Variants in MGAT4C observed in about 807,000 individuals in gnomAD.
MGAT4C encodes MGAT4 family member C, also known as alpha-1,3-mannosyl-glycoprotein 4-beta-N-acetylglucosaminyltransferase C.
Under a neutral mutation model 40.1 loss-of-function variants are expected in MGAT4C, and 19 were observed. The ratio of observed to expected loss-of-function variants is 0.47; its 90% CI spans 0.33 to 0.70. MGAT4C has a LOEUF of 0.70. MGAT4C is among the 30% of genes least tolerant of loss of function. The probability of loss-of-function intolerance (pLI) is 0.02; values close to 1 mark genes in which losing one functional copy is unlikely to be tolerated. For synonymous variants in MGAT4C, 181 were observed against 187.1 expected (o/e 0.97, Z 0.27); for missense variants, 491 against 563.2 (o/e 0.87, Z 1.30).
intron 4 of MGAT4C, among the ~76,000 whole-genome samples, chr12:86,317,707 A>AAT (rs1954277492): frequency 6.6e-6 from 1 of 151,954 alleles, no homozygotes; most frequent in Admixed American, 6.6e-5. Context: ...TTTGGCTAAA[A>AAT]ATATAGAAGG....
At chr12:86,630,487 G>A (rs1593061629) in intron 2 of MGAT4C, among the ~76,000 whole-genome samples, 1 of 152,000 alleles carries the variant, frequency 6.6e-6, no homozygotes, top group African/African-American at 2.4e-5. Flanking sequence ...GATGAACATC[G>A]ATGCAAAAAT....
In MGAT4C at chr12:86,324,376, T is replaced by A. The variant is rs572397437; in HGVS notation, c.-57+9689A>T. ...ATACATAATTTCCATATTCTTACAT[T>A]CTTTTAATTCTTTTTGTGCATTTTG... On this transcript the variant is annotated intron_variant, in intron 4 of 7. Coordinates refer to the MGAT4C transcript ENST00000548651. 3.3e-5 allele frequency among the ~76,000 whole-genome samples: 5 copies of A among 152,044 alleles called. No homozygotes were observed. The South Asian group carries it at 1.0e-3, about 32-fold the overall frequency.
chr12:86,131,356 G>A (rs947296621), intron 1 of MGAT4C, among the ~76,000 whole-genome samples: 2 of 151,942 alleles, frequency 1.3e-5, no homozygotes, highest in Non-Finnish European at 2.9e-5. Flanking sequence ...GTTTTAAGAT[G>A]TTCTTCATAG....
intron 3 of MGAT4C, among the ~76,000 whole-genome samples, chr12:86,342,611 T>A (rs1173087946): frequency 6.6e-6 from 1 of 152,146 alleles, no homozygotes; most frequent in African/African-American, 2.4e-5. Flanking sequence ...GCTAATTTTT[T>A]TGTATTTTTA....
intron 2 of MGAT4C, among the ~76,000 whole-genome samples, chr12:86,696,336 A>T (rs1326722046): frequency 6.6e-6 from 1 of 152,192 alleles, no homozygotes; most frequent in African/African-American, 2.4e-5. Flanking sequence ...ATATCTCATG[A>T]ACACCTACCA....
Position 86,677,973 on chromosome 12 carries a change from G to A in MGAT4C, c.-229+49236C>T, listed in dbSNP as rs140257204. ...ATCTTTTTCTTCTACCTTTACACTC[G>A]CTTCCTAGAAAATAACATCCAGTCC... On this transcript the variant is annotated intron_variant, in intron 2 of 7. Transcript: ENST00000548651. 8.4e-4 allele frequency among the ~76,000 whole-genome samples: 127 copies of A among 151,502 alleles called. 2 individuals are homozygous for A. The highest frequency in any genetic ancestry group is 2.9e-3 in the African/African-American group (121 of 41,078).
intron 2 of MGAT4C, among the ~76,000 whole-genome samples, chr12:86,538,633 A>G (rs1394338953): frequency 1.4e-5 from 2 of 142,848 alleles, no homozygotes; most frequent in African/African-American, 5.2e-5. Context: ...TTGAGACAAG[A>G]GTCTTGCTCT....
chr12:86,238,953 C>T (rs541230139), intron 1 of MGAT4C, among the ~76,000 whole-genome samples: 1 of 151,990 alleles, frequency 6.6e-6, no homozygotes, highest in African/African-American at 2.4e-5. Flanking sequence ...TATTTGGTAC[C>T]ATATGAAAAT....
At chr12:86,042,414 T>C (rs1891948318) in intron 2 of MGAT4C, among the ~76,000 whole-genome samples, 1 of 152,224 alleles carries the variant, frequency 6.6e-6, no homozygotes, top group Admixed American at 6.5e-5. Context: ...CAATGGTTTC[T>C]GTAGTTAAAT....
At chr12:86,471,401 ATATTAAGT>A (rs1490477116) in intron 2 of MGAT4C, among the ~76,000 whole-genome samples, 7 of 152,150 alleles carry the variant, frequency 4.6e-5, no homozygotes, top group East Asian at 3.9e-4. Context: ...CTTACTTGAA[ATATTAAGT>A]TATTAACTCA....
intron 1 of MGAT4C, among the ~76,000 whole-genome samples, chr12:86,170,670 A>G (rs910715868): frequency 1.3e-5 from 2 of 152,122 alleles, no homozygotes; most frequent in African/African-American, 4.8e-5. Flanking sequence ...ATGGTTATAT[A>G]GGTTGGGCAC....
intron 2 of MGAT4C, among the ~76,000 whole-genome samples, chr12:86,540,190 G>A (rs187612044): frequency 1.1e-4 from 16 of 152,296 alleles, no homozygotes; most frequent in Admixed American, 1.0e-3. Flanking sequence ...TCTTGATTAA[G>A]TGTGACTACT....
chr12:86,825,007 A>G (rs2136230435), intron 1 of MGAT4C, among the ~76,000 whole-genome samples: 1 of 151,514 alleles, frequency 6.6e-6, no homozygotes, highest in South Asian at 2.1e-4. Flanking sequence ...TTCTGATCTA[A>G]GTAGAAAAGG....
intron 2 of MGAT4C, among the ~76,000 whole-genome samples, chr12:86,012,241 A>G (rs1888530272): frequency 1.3e-5 from 2 of 152,046 alleles, no homozygotes; most frequent in South Asian, 4.1e-4. Context: ...TCCTGAGCAT[A>G]TTTTTTTACT....
chr12:86,420,905 G>T (rs538531613), intron 3 of MGAT4C, among the ~76,000 whole-genome samples: 1 of 148,556 alleles, frequency 6.7e-6, no homozygotes, highest in Non-Finnish European at 1.5e-5. Flanking sequence ...ATACATACGT[G>T]TATATGTGTA....
chr12:86,470,577 A>T (rs1223274382), intron 2 of MGAT4C, among the ~76,000 whole-genome samples: 1 of 152,110 alleles, frequency 6.6e-6, no homozygotes, highest in Non-Finnish European at 1.5e-5. Context: ...TTAGGAATTG[A>T]ATCTTATTCT....
Position 86,425,274 on chromosome 12 carries a change from G to A in MGAT4C, c.-120+9883C>T, listed in dbSNP as rs114837873. 2.4e-3 allele frequency among the ~76,000 whole-genome samples: 369 copies of A among 152,244 alleles called. 1 individual carries two copies. Among genetic ancestry groups the A allele is most frequent in the African/African-American group, 8.4e-3 (348 of 41,546 alleles). On this transcript the variant is annotated intron_variant, in intron 3 of 7. Coordinates refer to the MGAT4C transcript ENST00000548651. ...AAACTGTTTAGTAGGTAATCTCCAC[G>A]AGTTGAGGGAGGGACCTGGTGGGAA...
intron 4 of MGAT4C, among the ~76,000 whole-genome samples, chr12:86,310,383 TG>T (rs1412628822): frequency 1.3e-5 from 2 of 152,214 alleles, no homozygotes; most frequent in Non-Finnish European, 2.9e-5. Flanking sequence ...AAGAATGGTA[TG>T]GCAAACCAGC....
At chr12:86,405,925 AT>A (rs200181491) in intron 3 of MGAT4C, among the ~76,000 whole-genome samples, 64,798 of 105,782 alleles carry the variant, frequency 0.61, 19,129 homozygotes, top group East Asian at 0.78. Context: ...ATGTATTTAT[AT>A]TATACATACA....
Sources: gnomAD v4.1 joint callset for allele counts (sites outside exome capture counted in the v4.1 genomes callset) on GRCh38, gnomAD v4.1.1 for gene constraint, MANE v1.5 for transcripts, NCBI Gene and HGNC (gene_info 2026-07-23, HGNC 2026-07-21) for gene names.